NKAIN2: variants seen among roughly 807,000 people sequenced by gnomAD.
NKAIN2 encodes sodium/potassium transporting ATPase interacting 2.
NKAIN2 carries 14 observed loss-of-function variants against 32.6 expected under a neutral mutation model. The observed-to-expected ratio is 0.43, with a 90% CI of 0.28 to 0.67. NKAIN2 has a LOEUF of 0.67. Among genes scored for constraint, NKAIN2 ranks in the 30% least tolerant of loss-of-function variants. The pLI, the probability that NKAIN2 is intolerant of heterozygous loss-of-function variation, is 0.17. For missense variants in NKAIN2, 198 were observed against 258.3 expected, an observed-to-expected ratio of 0.77 and a Z score of 1.60; for synonymous variants, 80 against 87.2, an observed-to-expected ratio of 0.92 and a Z score of 0.46.
chr6:124,642,129 A>G (rs1784016095), intron 3 of NKAIN2, among the ~76,000 whole-genome samples: 1 of 152,156 alleles, frequency 6.6e-6, no homozygotes, highest in Non-Finnish European at 1.5e-5. Flanking sequence ...ATATAGTGGA[A>G]TGAATCACAC....
chr6:124,417,599 C>A (rs1486088745), intron 3 of NKAIN2, among the ~76,000 whole-genome samples: 1 of 152,110 alleles, frequency 6.6e-6, no homozygotes, highest in Non-Finnish European at 1.5e-5. Flanking sequence ...GTAGACCAAA[C>A]GTCCTAATAC....
At position 124,135,839 on chromosome 6, in the gene NKAIN2, T is replaced by C. The variant is rs150547015; in HGVS notation, c.55-147166T>C. Among the ~76,000 whole-genome samples the C allele has an allele frequency of 6.4e-4, 98 of 152,126 alleles. 1 individual carries two copies. In the East Asian group the frequency reaches 0.016, roughly 26 times the overall value. On this transcript the variant is annotated intron_variant, in intron 1 of 6. Coordinates refer to ENST00000368417, the MANE Select transcript of NKAIN2 (RefSeq NM_001040214.3). The stretch of plus-strand genomic sequence containing the variant: ...AAAAATTATTTGCACAGAACAGTAA[T>C]AGTGACACAACTTACCAAAACCTCT...
intron 2 of NKAIN2, among the ~76,000 whole-genome samples, chr6:124,346,884 T>C (rs1365391121): frequency 6.6e-6 from 1 of 151,838 alleles, no homozygotes; most frequent in Non-Finnish European, 1.5e-5. Context: ...ATTATGATGT[T>C]AGCTGGTGAT....
intron 1 of NKAIN2, among the ~76,000 whole-genome samples, chr6:124,261,628 G>A (rs1048655104): frequency 1.3e-5 from 2 of 152,162 alleles, no homozygotes; most frequent in Admixed American, 1.3e-4. Flanking sequence ...TGGGGGCCAA[G>A]GTAGGTGGAT....
intron 3 of NKAIN2, among the ~76,000 whole-genome samples, chr6:124,642,363 G>A (rs2114361198): frequency 6.6e-6 from 1 of 152,268 alleles, no homozygotes; most frequent in East Asian, 1.9e-4. Context: ...GGTTTTATAT[G>A]TAGAAGTGGA....
At chr6:124,793,603 G>A (rs943287689) in intron 5 of NKAIN2, among the ~76,000 whole-genome samples, 1 of 149,288 alleles carries the variant, frequency 6.7e-6, no homozygotes, top group Non-Finnish European at 1.5e-5. Flanking sequence ...TCTCCTACAT[G>A]CATAATCAGT....
At chr6:123,955,913 C>T (rs1777560040) in intron 1 of NKAIN2, among the ~76,000 whole-genome samples, 1 of 152,166 alleles carries the variant, frequency 6.6e-6, no homozygotes, top group South Asian at 2.1e-4. Context: ...TAGGAGTGAG[C>T]TACCATGCCG....
At chr6:124,771,938 A>C (rs1778778959) in intron 4 of NKAIN2, among the ~76,000 whole-genome samples, 1 of 152,186 alleles carries the variant, frequency 6.6e-6, no homozygotes, top group Non-Finnish European at 1.5e-5. Context: ...GGCATTTATG[A>C]ATACTATAAG....
At chr6:124,478,130 C>T (rs2114692582) in intron 3 of NKAIN2, among the ~76,000 whole-genome samples, 1 of 152,204 alleles carries the variant, frequency 6.6e-6, no homozygotes, top group Non-Finnish European at 1.5e-5. Flanking sequence ...TTGCCCTTCT[C>T]TTCAAGAATG....
chr6:124,182,585 T>G (rs924257804), intron 1 of NKAIN2, among the ~76,000 whole-genome samples: 1 of 152,198 alleles, frequency 6.6e-6, no homozygotes, highest in Non-Finnish European at 1.5e-5. Flanking sequence ...TTACTTATAT[T>G]TTTATTTGGG....
chr6:124,402,854 A>G (rs899681024), intron 3 of NKAIN2, among the ~76,000 whole-genome samples: 4 of 152,186 alleles, frequency 2.6e-5, no homozygotes, highest in South Asian at 2.1e-4. Flanking sequence ...ATCGGGCACC[A>G]TGCTTATTAC....
At chr6:124,266,749 AAG>A (rs1794510818) in intron 1 of NKAIN2, among the ~76,000 whole-genome samples, 1 of 152,214 alleles carries the variant, frequency 6.6e-6, no homozygotes, top group Non-Finnish European at 1.5e-5. Flanking sequence ...AAAATTGGAC[AAG>A]AGAGTATGGG....
intron 1 of NKAIN2, among the ~76,000 whole-genome samples, chr6:124,264,868 T>G (rs1050416526): frequency 3.3e-5 from 5 of 152,184 alleles, no homozygotes; most frequent in African/African-American, 1.2e-4. Context: ...TATAAAATGG[T>G]GAATAAAACA....
intron 3 of NKAIN2, among the ~76,000 whole-genome samples, chr6:124,391,849 C>CCCCT (rs2114417559): frequency 6.6e-6 from 1 of 152,190 alleles, no homozygotes; most frequent in South Asian, 2.1e-4. Flanking sequence ...ACTATCCTTC[C>CCCCT]CCCTACCTAA....
chr6:124,338,410 A>ATG (rs1797971796), intron 2 of NKAIN2, among the ~76,000 whole-genome samples: 1 of 152,184 alleles, frequency 6.6e-6, no homozygotes, highest in Non-Finnish European at 1.5e-5. Context: ...AATATTTTTG[A>ATG]TGATATCATG....
In NKAIN2 at chr6:123,822,845, G is replaced by T. The variant is rs1773981391; in HGVS notation, c.54+18591G>T. 2.6e-5 allele frequency among the ~76,000 whole-genome samples: 4 copies of T among 152,266 alleles called. No homozygotes were observed. In the South Asian group the frequency reaches 8.3e-4, roughly 32 times the overall value. On this transcript the variant is annotated intron_variant, in intron 1 of 6. Transcript: ENST00000368417. ...TATTTACTTCAGAGAGCTGTTGGAA[G>T]AATTTGAGTAGTTAATGCATTTAAA...
intron 3 of NKAIN2, among the ~76,000 whole-genome samples, chr6:124,450,696 C>T (rs1221636570): frequency 6.6e-6 from 1 of 151,876 alleles, no homozygotes; most frequent in Non-Finnish European, 1.5e-5. Flanking sequence ...CATTTAAATA[C>T]AGTGAAAATA....
intron 1 of NKAIN2, among the ~76,000 whole-genome samples, chr6:124,137,265 G>GA (rs1209960238): frequency 6.6e-6 from 1 of 151,720 alleles, no homozygotes; most frequent in Non-Finnish European, 1.5e-5. Flanking sequence ...TCAACGACTG[G>GA]AAAAAAGTAT....
intron 1 of NKAIN2, among the ~76,000 whole-genome samples, chr6:124,107,257 G>A (rs1387019847): frequency 3.9e-5 from 6 of 152,134 alleles, no homozygotes; most frequent in Admixed American, 3.3e-4. Context: ...AAAGATGTTG[G>A]CTTTACTTGT....
Sources: gnomAD v4.1 joint callset for allele counts (sites outside exome capture counted in the v4.1 genomes callset) on GRCh38, gnomAD v4.1.1 for gene constraint, MANE v1.5 for transcripts, NCBI Gene and HGNC (gene_info 2026-07-23, HGNC 2026-07-21) for gene names.